Variants in DNAJC27 observed in about 807,000 individuals in gnomAD.
DNAJC27 encodes the protein dnaJ homolog subfamily C member 27.
In DNAJC27, 25 loss-of-function variants were observed where a neutral mutation model predicts 31.4. The ratio of observed to expected loss-of-function variants is 0.80; its 90% CI spans 0.58 to 1.11. The LOEUF (loss-of-function observed/expected upper bound fraction) is 1.11, where lower values mean the gene tolerates loss of function less well. Ranked by LOEUF, DNAJC27 falls within the 50% of genes most tolerant of loss-of-function variation. The pLI, the probability that DNAJC27 is intolerant of heterozygous loss-of-function variation, is 0.00. For synonymous variants in DNAJC27, 106 were observed against 112.7 expected (o/e 0.94, Z 0.37); for missense variants, 356 against 347.3 (o/e 1.02, Z -0.20).
At chr2:24,949,527 C>G (rs924363322) in intron 6 of DNAJC27, among the ~76,000 whole-genome samples, 4 of 152,220 alleles carry the variant, frequency 2.6e-5, no homozygotes, top group Non-Finnish European at 4.4e-5. Context: ...ACACAGTTAA[C>G]AGTCAACAAA....
chr2:24,958,920 C>A (rs1017872770), intron 3 of DNAJC27, among the ~76,000 whole-genome samples: 1 of 152,184 alleles, frequency 6.6e-6, no homozygotes, highest in Admixed American at 6.5e-5. Context: ...CCCAAATGTA[C>A]TCAGACCCAC....
chr2:24,966,302 G>A (rs898442128), intron 2 of DNAJC27, among the ~76,000 whole-genome samples: 1 of 152,060 alleles, frequency 6.6e-6, no homozygotes, highest in African/African-American at 2.4e-5. Context: ...CCAAGATAGT[G>A]AACACCTGAA....
intron 2 of DNAJC27, among the ~76,000 whole-genome samples, chr2:24,965,209 C>T (rs973429247): frequency 2.7e-5 from 4 of 150,434 alleles, no homozygotes; most frequent in African/African-American, 9.8e-5. Context: ...GCGACAAGAG[C>T]GAAACTCTGT....
At position 24,969,012 on chromosome 2, in the gene DNAJC27, G is replaced by A. The variant is rs76672016; in HGVS notation, c.88-1719C>T. On this transcript the variant is annotated intron_variant, in intron 1 of 6. Transcript: ENST00000264711. The stretch of plus-strand genomic sequence containing the variant: ...TGGTCTTACAATATTGAGCCAAAGG[G>A]TGACTCTACCTCTCTATCAGAATCA... 599 of 160,262 alleles carry A rather than the reference G, an allele frequency of 3.7e-3. 2 individuals carry two copies. Among genetic ancestry groups the A allele is most frequent in the Non-Finnish European group, 6.4e-3 (460 of 71,580 alleles). The allele number at this position is 160,262 out of a possible 1,614,324, so 9.9% of individuals were successfully genotyped here.
At chr2:24,971,115 C>T (rs1666324092) in intron 1 of DNAJC27, among the ~76,000 whole-genome samples, 1 of 152,182 alleles carries the variant, frequency 6.6e-6, no homozygotes, top group African/African-American at 2.4e-5. Flanking sequence ...GAAGAGGAGG[C>T]CGTCTTGGAA....
chr2:24,958,800 T>C (rs1354598737), intron 3 of DNAJC27, among the ~76,000 whole-genome samples: 1 of 152,096 alleles, frequency 6.6e-6, no homozygotes, highest in Admixed American at 6.6e-5. Context: ...ACTCAAACAT[T>C]AGGGCCAGAG....
rs899087653 is a variant in DNAJC27, at chr2:24,945,170, T to C, written c.*2446A>G. 6.6e-6 allele frequency: 1 copy of C among 152,240 alleles called. No individual in the cohort carries two copies. The highest frequency in any genetic ancestry group is 1.5e-5 in the Non-Finnish European group (1 of 68,046). The allele number at this position is 152,240 out of a possible 1,614,324, so 9.4% of individuals were successfully genotyped here. ...TCCATTGCAGATCATGCTTTATTTC[T>C]TAATATTCTGCTGAAGGATTATAGA... On this transcript the variant is annotated 3_prime_UTR_variant, in exon 7 of 7. Coordinates refer to ENST00000264711, the MANE Select transcript of DNAJC27 (RefSeq NM_016544.3).
intron 1 of DNAJC27, among the ~76,000 whole-genome samples, chr2:24,967,689 GAACGCTTGTCTA>G (rs1461125690): frequency 7.0e-6 from 1 of 142,118 alleles, no homozygotes; most frequent in African/African-American, 2.8e-5. Flanking sequence ...TGGTAAGAGT[GAACGCTTGTCTA>G]AAAAAAAAAA....
intron 3 of DNAJC27, among the ~76,000 whole-genome samples, chr2:24,962,507 C>T (rs1358194649): frequency 2.6e-5 from 4 of 152,138 alleles, no homozygotes; most frequent in Non-Finnish European, 4.4e-5. Context: ...CCACCCTTCT[C>T]GGCCTCCCAA....
intron 5 of DNAJC27, among the ~76,000 whole-genome samples, chr2:24,954,215 C>A (rs1416148560): frequency 1.3e-5 from 2 of 152,160 alleles, no homozygotes; most frequent in Non-Finnish European, 2.9e-5. Context: ...AGGGTGAGAT[C>A]ACTCAAGGCT....
chr2:24,951,038 A>C (rs1665762874), intron 6 of DNAJC27, among the ~76,000 whole-genome samples: 1 of 152,154 alleles, frequency 6.6e-6, no homozygotes, highest in Admixed American at 6.5e-5. Flanking sequence ...TATAAAATGA[A>C]ATGTTTGACA....
intron 5 of DNAJC27, chr2:24,953,691 G>A (rs1032006644): frequency 4.7e-6 from 1 of 210,632 alleles, no homozygotes; most frequent in African/African-American, 2.4e-5. Context: ...TTTGCTAGTT[G>A]TGTATCAGTA....
At chr2:24,952,021 C>T (rs1192570035) in intron 5 of DNAJC27, among the ~76,000 whole-genome samples, 3 of 152,094 alleles carry the variant, frequency 2.0e-5, no homozygotes, top group East Asian at 3.9e-4. Context: ...TGGCTGAGGT[C>T]GGAGGATGCT....
At position 24,945,568 on chromosome 2, in the gene DNAJC27, T is replaced by C. The variant is rs1182406368; in HGVS notation, c.*2048A>G. Reference sequence around the variant, plus strand: ...CCTCATTCATATGACTTCTACATTCTGCTGTGAGGACAGACATGTCTGAGT... The same window carrying C: ...CCTCATTCATATGACTTCTACATTCCGCTGTGAGGACAGACATGTCTGAGT... On this transcript the variant is annotated 3_prime_UTR_variant, in exon 7 of 7. Coordinates refer to ENST00000264711, the MANE Select transcript of DNAJC27 (RefSeq NM_016544.3). 2.6e-5 allele frequency: 4 copies of C among 152,232 alleles called. No individual in the cohort carries two copies. The highest frequency in any genetic ancestry group is 7.2e-5 in the African/African-American group (3 of 41,464). 9.4% of individuals were successfully genotyped at this position (152,232 alleles called of 1,614,324 possible). A position where few individuals can be genotyped will look rare whatever the true frequency, so the allele number is the denominator to read the frequency against.
At chr2:24,968,059 G>GA (rs1176044279) in intron 1 of DNAJC27, among the ~76,000 whole-genome samples, 2 of 150,982 alleles carry the variant, frequency 1.3e-5, no homozygotes, top group African/African-American at 2.4e-5. Flanking sequence ...CTCAAAAAGA[G>GA]AAAAAAAATT....
intron 1 of DNAJC27, chr2:24,969,565 C>A (rs1324535373): frequency 6.5e-6 from 1 of 154,560 alleles, no homozygotes; most frequent in Non-Finnish European, 1.4e-5. Flanking sequence ...GCAACCTCCA[C>A]CTCCCAGGTT....
chr2:24,953,332 G>A (rs140069039), intron 5 of DNAJC27, among the ~76,000 whole-genome samples: 4 of 152,164 alleles, frequency 2.6e-5, no homozygotes, highest in East Asian at 3.9e-4. Flanking sequence ...AAGCCTTGAC[G>A]TCTGAAAAGG....
intron 4 of DNAJC27, among the ~76,000 whole-genome samples, chr2:24,957,605 G>GA (rs35322866): frequency 0.15 from 22,343 of 146,972 alleles, 2,072 homozygotes; most frequent in African/African-American, 0.26. Context: ...TATGGCACCA[G>GA]AAAAAAAAAA....
upstream of DNAJC27, chr2:24,971,963 C>T: frequency 8.0e-7 from 1 of 1,256,248 alleles, no homozygotes; most frequent in Non-Finnish European, 1.1e-6. Context: ...GCTGGCCCGT[C>T]CCTCAGGCCT....
Sources: allele counts gnomAD v4.1 joint callset (sites outside exome capture counted in the v4.1 genomes callset), GRCh38; gene constraint gnomAD v4.1.1; transcripts MANE v1.5; gene names NCBI Gene and HGNC (gene_info 2026-07-23, HGNC 2026-07-21).